The following MIPEP variants were observed in gnomAD, a reference collection of about 807,000 sequenced individuals.
MIPEP encodes mitochondrial intermediate peptidase.
A neutral mutation model predicts 90.3 loss-of-function variants in MIPEP; 79 were observed. That is an observed-to-expected ratio of 0.87 (90% CI 0.73 to 1.05). MIPEP has a LOEUF of 1.05. Among genes scored for constraint, MIPEP ranks in the 50% least tolerant of loss-of-function variants. MIPEP has a pLI of 0.00. For missense variants in MIPEP, 940 were observed against 905.6 expected, an observed-to-expected ratio of 1.04 and a Z score of -0.49; for synonymous variants, 334 against 315.8, an observed-to-expected ratio of 1.06 and a Z score of -0.61.
chr13:23,820,046 C>G (rs930684839), intron 14 of MIPEP, among the ~76,000 whole-genome samples: 1 of 151,960 alleles, frequency 6.6e-6, no homozygotes, highest in Non-Finnish European at 1.5e-5. Context: ...TCTTTTCATT[C>G]CAAGTGTTCT....
intron 14 of MIPEP, among the ~76,000 whole-genome samples, chr13:23,815,142 C>T (rs1351756842): frequency 6.6e-6 from 1 of 152,206 alleles, no homozygotes; most frequent in African/African-American, 2.4e-5. Flanking sequence ...ATACAATAAT[C>T]ACTGACTTTG....
chr13:23,734,996 G>A (rs1565976260), intron 18 of MIPEP, among the ~76,000 whole-genome samples: 1 of 152,186 alleles, frequency 6.6e-6, no homozygotes, highest in Non-Finnish European at 1.5e-5. Flanking sequence ...ACCCAAACAT[G>A]GCGATTCCTG....
At chr13:23,731,452 G>A (rs1952203674) in intron 18 of MIPEP, among the ~76,000 whole-genome samples, 1 of 152,132 alleles carries the variant, frequency 6.6e-6, no homozygotes, top group East Asian at 1.9e-4. Context: ...CCATACGGCA[G>A]AAAACTAGCC....
chr13:23,799,373 G>A (rs926750655), intron 16 of MIPEP, among the ~76,000 whole-genome samples: 2 of 151,824 alleles, frequency 1.3e-5, no homozygotes, highest in Non-Finnish European at 2.9e-5. Flanking sequence ...TGTCGCCCAG[G>A]CTGGAGTGCA....
At chr13:23,856,454 T>G (rs955939481) in intron 10 of MIPEP, among the ~76,000 whole-genome samples, 2 of 152,220 alleles carry the variant, frequency 1.3e-5, no homozygotes, top group Non-Finnish European at 2.9e-5. Flanking sequence ...AGAGCCAGGC[T>G]TGTGGGCTGT....
At chr13:23,741,593 CTTAT>C (rs1952329281) in intron 18 of MIPEP, among the ~76,000 whole-genome samples, 1 of 152,056 alleles carries the variant, frequency 6.6e-6, no homozygotes. Flanking sequence ...ACTGCATGTT[CTTAT>C]TTATAAGTGG....
chr13:23,867,599 T>C (rs78376278), intron 7 of MIPEP, among the ~76,000 whole-genome samples: 2,806 of 152,278 alleles, frequency 0.018, 86 homozygotes, highest in African/African-American at 0.064. Context: ...TGCATAAGGA[T>C]AGGAATTTTC....
intron 14 of MIPEP, among the ~76,000 whole-genome samples, chr13:23,834,042 C>T (rs984475131): frequency 1.3e-5 from 2 of 152,244 alleles, no homozygotes; most frequent in South Asian, 4.1e-4. Context: ...CTGACCCCTT[C>T]ACCAGCCGTG....
chr13:23,848,816 C>G (rs529272114), intron 10 of MIPEP, among the ~76,000 whole-genome samples: 251 of 152,348 alleles, frequency 1.6e-3, no homozygotes, highest in African/African-American at 5.9e-3. Context: ...CTACATGCCT[C>G]TCCACACCCT....
intron 14 of MIPEP, among the ~76,000 whole-genome samples, chr13:23,814,846 A>G (rs1200597878): frequency 1.3e-5 from 2 of 152,194 alleles, no homozygotes; most frequent in African/African-American, 4.8e-5. Flanking sequence ...ATCTGCCTGC[A>G]TTTCAAATTC....
At chr13:23,777,192 C>G (rs988405810) in intron 16 of MIPEP, among the ~76,000 whole-genome samples, 1 of 152,174 alleles carries the variant, frequency 6.6e-6, no homozygotes, top group Non-Finnish European at 1.5e-5. Flanking sequence ...TGCTGTGGCT[C>G]TCAACTCTGA....
Position 23,889,133 on chromosome 13 carries a change from C to T in MIPEP, c.188G>A (p.Arg63Gln), listed in dbSNP as rs539147713. Residue 63 changes from arginine to glutamine, a missense_variant and splice_region_variant, in exon 1 of 19, where the codon CGG becomes CAG. Coordinates refer to ENST00000382172, the MANE Select transcript of MIPEP (RefSeq NM_005932.4). ...GGGAGCTCCTCCTGCGCCGCTCACCCGGCGCTCGCCGAACAGGTCCAAGCG... is the reference window on the plus strand; with the variant it reads ...GGGAGCTCCTCCTGCGCCGCTCACCTGGCGCTCGCCGAACAGGTCCAAGCG... ...GSRLDLFGERRGLFGVPELSA... is the reference protein window; with the variant it reads ...GSRLDLFGERQGLFGVPELSA... The T allele has an allele frequency of 8.5e-6, 12 of 1,418,100 alleles. No individual in the cohort carries two copies. The South Asian group carries it at 1.1e-4, about 13-fold the overall frequency. The allele number at this position is 1,418,100 out of a possible 1,614,324, so 87.8% of individuals were successfully genotyped here.
chr13:23,875,317 C>T (rs1212300281), intron 4 of MIPEP, among the ~76,000 whole-genome samples: 1 of 151,772 alleles, frequency 6.6e-6, no homozygotes, highest in Non-Finnish European at 1.5e-5. Context: ...AATCCAAATC[C>T]CAATAATTAA....
chr13:23,784,330 A>G (rs1358126567), intron 16 of MIPEP, among the ~76,000 whole-genome samples: 3 of 152,134 alleles, frequency 2.0e-5, no homozygotes, highest in African/African-American at 7.2e-5. Flanking sequence ...CAGAAATAAC[A>G]CCACACATCT....
intron 16 of MIPEP, among the ~76,000 whole-genome samples, chr13:23,770,557 C>A (rs1952637347): frequency 6.6e-6 from 1 of 152,102 alleles, no homozygotes; most frequent in African/African-American, 2.4e-5. Flanking sequence ...ACTCCCACTC[C>A]ATACCCTCTT....
chr13:23,864,151 G>GT lies in MIPEP; in HGVS notation c.981dup (p.Leu328ThrfsTer3). 1 of 1,557,548 alleles carries GT rather than the reference G, an allele frequency of 6.4e-7. No individual in the cohort carries two copies. Among genetic ancestry groups the GT allele is most frequent in the South Asian group, 1.2e-5 (1 of 84,132 alleles). On this transcript the variant is annotated frameshift_variant, in exon 8 of 19. Transcript: ENST00000382172. LOFTEE classifies it high-confidence loss of function. ...AGAATAAAAACTAACCTTTCAGAAA[G>GT]TTTGTCAGATAGTTTTTCAAGGAAC...
chr13:23,849,731 C>T (rs1465109734), intron 10 of MIPEP, among the ~76,000 whole-genome samples: 3 of 152,170 alleles, frequency 2.0e-5, no homozygotes, highest in African/African-American at 4.8e-5. Context: ...GAAATGAGCA[C>T]AGAAATATCA....
intron 14 of MIPEP, 24 bp from the exon 15 acceptor site, chr13:23,809,948 A>T: frequency 4.6e-6 from 7 of 1,519,388 alleles, no homozygotes; most frequent in Non-Finnish European, 5.5e-6. Context: ...AAGAATATAT[A>T]TGTGAGTAAA....
intron 16 of MIPEP, among the ~76,000 whole-genome samples, chr13:23,784,937 A>C (rs1952821450): frequency 6.6e-6 from 1 of 152,258 alleles, no homozygotes; most frequent in South Asian, 2.1e-4. Context: ...AACCACAGTG[A>C]GATACCATCT....
Sources: gnomAD v4.1 joint callset for allele counts (sites outside exome capture counted in the v4.1 genomes callset) on GRCh38, gnomAD v4.1.1 for gene constraint, MANE v1.5 for transcripts, NCBI Gene and HGNC (gene_info 2026-07-23, HGNC 2026-07-21) for gene names.